AMBRA1: variants seen among roughly 807,000 people sequenced by gnomAD.
AMBRA1 encodes the protein autophagy and beclin 1 regulator 1, also known as activating molecule in BECN1-regulated autophagy protein 1.
A neutral mutation model predicts 125.4 loss-of-function variants in AMBRA1; 47 were observed. That is an observed-to-expected ratio of 0.37 (90% CI 0.30 to 0.48). AMBRA1 has a LOEUF of 0.48. AMBRA1 is among the 20% of genes least tolerant of loss of function. The pLI, the probability that AMBRA1 is intolerant of heterozygous loss-of-function variation, is 0.99. For synonymous variants in AMBRA1, 626 were observed against 655.5 expected (o/e 0.95, Z 0.69); for missense variants, 1,331 against 1,693.4 (o/e 0.79, Z 3.76).
chr11:46,450,888 G>A (rs1948557932), intron 11 of AMBRA1, among the ~76,000 whole-genome samples: 1 of 152,218 alleles, frequency 6.6e-6, no homozygotes. Context: ...ATAATGATGT[G>A]TCTACGTTGG....
rs76650979 is a variant in AMBRA1, at chr11:46,444,333, G to A, written c.2522-735C>T. 5.1e-3 allele frequency among the ~76,000 whole-genome samples: 779 copies of A among 152,214 alleles called. 6 individuals carry two copies. Among genetic ancestry groups the A allele is most frequent in the African/African-American group, 0.018 (741 of 41,526 alleles). ...AACATCTCCAGGTTTAACTTTCTCTGAGATATATTCTTCTGTATGACATTT... is the reference window on the plus strand; with the variant it reads ...AACATCTCCAGGTTTAACTTTCTCTAAGATATATTCTTCTGTATGACATTT... On this transcript the variant is annotated intron_variant, in intron 11 of 17. Transcript: ENST00000683756.
intron 14 of AMBRA1, among the ~76,000 whole-genome samples, chr11:46,421,641 T>C (rs1297060072): frequency 6.6e-6 from 1 of 152,190 alleles, no homozygotes; most frequent in Non-Finnish European, 1.5e-5. Context: ...AGATGTAGTG[T>C]CTACCCCTTT....
chr11:46,476,490 A>C (rs1432881774), intron 11 of AMBRA1, among the ~76,000 whole-genome samples: 1 of 147,106 alleles, frequency 6.8e-6, no homozygotes, highest in Non-Finnish European at 1.5e-5. Context: ...GGACCTTCAC[A>C]TTCTTCCCAG....
chr11:46,550,119 G>A lies in AMBRA1; in HGVS notation c.-120-1619C>T, dbSNP rs549062857. Among the ~76,000 whole-genome samples the A allele has an allele frequency of 1.8e-4, 28 of 152,178 alleles. No homozygotes were observed. The South Asian group carries it at 4.4e-3, about 24-fold the overall frequency. On this transcript the variant is annotated intron_variant, in intron 1 of 17. Transcript: ENST00000683756. ...CAGGTGTGAGCTACTGCACCCAGCC[G>A]ACACTAGCTTTTCTAAAAGATCAGG...
At chr11:46,417,354 A>AT (rs1946591888) in intron 15 of AMBRA1, among the ~76,000 whole-genome samples, 1 of 152,156 alleles carries the variant, frequency 6.6e-6, no homozygotes, top group Admixed American at 6.6e-5. Context: ...CCAGCCCCAA[A>AT]TTGAGCTTTT....
At chr11:46,410,159 C>T in intron 16 of AMBRA1, 117 bp downstream of exon 16, 1 of 848,976 alleles carries the variant, frequency 1.2e-6, no homozygotes, top group East Asian at 2.4e-5. Context: ...CAAGGAGGTG[C>T]TGCTCTGGTT....
At chr11:46,465,209 C>G (rs1203886044) in intron 11 of AMBRA1, among the ~76,000 whole-genome samples, 2 of 152,142 alleles carry the variant, frequency 1.3e-5, no homozygotes, top group Non-Finnish European at 2.9e-5. Context: ...CCTCACCCAT[C>G]CCTTCCCCTA....
chr11:46,478,723 C>T lies in AMBRA1; in HGVS notation c.2521+14885G>A, dbSNP rs559685449. On this transcript the variant is annotated intron_variant, in intron 11 of 17. Transcript: ENST00000683756. The stretch of plus-strand genomic sequence containing the variant: ...AGGCTGGAGTGCAATGGCGCAATCT[C>T]GGCTCACTGCAACCTCCACCTCCCG... Among the ~76,000 whole-genome samples the T allele has an allele frequency of 5.6e-5, 7 of 125,692 alleles. No individual in the cohort carries two copies. In the South Asian group the frequency reaches 1.7e-3, roughly 31 times the overall value. 82.5% of individuals were successfully genotyped at this position (125,692 alleles called of 152,430 possible). A position where few individuals can be genotyped will look rare whatever the true frequency, so the allele number is the denominator to read the frequency against.
Position 46,397,365 on chromosome 11 carries a change from C to A in AMBRA1, c.*85G>T, listed in dbSNP as rs921713593. The A allele has an allele frequency of 3.3e-5, 47 of 1,406,954 alleles. No homozygotes were observed. The highest frequency in any genetic ancestry group is 4.0e-5 in the Non-Finnish European group (43 of 1,079,618). The allele number at this position is 1,406,954 out of a possible 1,614,324, so 87.2% of individuals were successfully genotyped here. On this transcript the variant is annotated 3_prime_UTR_variant, in exon 18 of 18. Transcript: ENST00000683756. ...CTGTTCCCTGATGCAGCCAGCAGCT[C>A]TTCCACATGTCCAGTTCCCAGTCAG...
intron 15 of AMBRA1, among the ~76,000 whole-genome samples, chr11:46,415,374 T>C (rs1222034928): frequency 6.6e-6 from 1 of 152,198 alleles, no homozygotes; most frequent in African/African-American, 2.4e-5. Context: ...AAAGTATGTG[T>C]GTGTTATTGT....
intron 11 of AMBRA1, among the ~76,000 whole-genome samples, chr11:46,477,065 T>G (rs2136904018): frequency 6.7e-6 from 1 of 148,834 alleles, no homozygotes; most frequent in Non-Finnish European, 1.5e-5. Flanking sequence ...GAGCCGAGAT[T>G]GCGCCACTGC....
At chr11:46,402,384 C>G (rs1047969473) in intron 17 of AMBRA1, among the ~76,000 whole-genome samples, 6 of 152,072 alleles carry the variant, frequency 3.9e-5, no homozygotes, top group African/African-American at 1.4e-4. Context: ...TTTTTTGAGA[C>G]GGAGTCTTGC....
rs1947330762 is a variant in AMBRA1 at position 46,429,237 on chromosome 11, A to G, written c.2976+4237T>C. On this transcript the variant is annotated intron_variant, in intron 14 of 17. Coordinates refer to ENST00000683756, the MANE Select transcript of AMBRA1 (RefSeq NM_001387011.1). Reference sequence around the variant, plus strand: ...TACCAGCGGCCCCCTACCCCATAAAATAAGCCTCCAGCCCCTATCGCTACT... The same window carrying G: ...TACCAGCGGCCCCCTACCCCATAAAGTAAGCCTCCAGCCCCTATCGCTACT... 2.3e-5 allele frequency: 25 copies of G among 1,069,526 alleles called. No individual in the cohort carries two copies. The South Asian group carries it at 3.2e-4, about 14-fold the overall frequency. 66.3% of individuals were successfully genotyped at this position (1,069,526 alleles called of 1,614,324 possible).
chr11:46,573,791 T>C (rs1204706426), intron 1 of AMBRA1, among the ~76,000 whole-genome samples: 1 of 150,138 alleles, frequency 6.7e-6, no homozygotes, highest in East Asian at 2.0e-4. Flanking sequence ...GCATTAGGTA[T>C]ACCTCCCAAT....
intron 7 of AMBRA1, among the ~76,000 whole-genome samples, chr11:46,534,271 G>A (rs1182451336): frequency 1.3e-5 from 2 of 151,414 alleles, no homozygotes; most frequent in African/African-American, 4.9e-5. Context: ...GGCGGGCGGA[G>A]CACCAGAGGT....
At chr11:46,451,386 T>C (rs1031765614) in intron 11 of AMBRA1, among the ~76,000 whole-genome samples, 1 of 152,206 alleles carries the variant, frequency 6.6e-6, no homozygotes, top group Non-Finnish European at 1.5e-5. Context: ...CCAAGCCTAA[T>C]AGCCTCTGTG....
At chr11:46,398,005 T>C (rs907622548) in intron 17 of AMBRA1, 62 bp from the exon 18 acceptor site, 30 of 1,522,106 alleles carry the variant, frequency 2.0e-5, no homozygotes, top group Non-Finnish European at 2.1e-5. Flanking sequence ...CTGAGGCAGG[T>C]GGGCAGCCAC....
intron 1 of AMBRA1, among the ~76,000 whole-genome samples, chr11:46,585,116 G>A (rs1423923768): frequency 3.3e-5 from 5 of 152,028 alleles, no homozygotes; most frequent in African/African-American, 9.7e-5. Context: ...TAAGGGCGGT[G>A]CAAGATGTGC....
chr11:46,448,400 T>C (rs557221609), intron 11 of AMBRA1, among the ~76,000 whole-genome samples: 7 of 152,322 alleles, frequency 4.6e-5, no homozygotes, highest in South Asian at 4.1e-4. Context: ...TAAAAATATT[T>C]TGGATTAAAT....
Sources: allele counts gnomAD v4.1 joint callset (sites outside exome capture counted in the v4.1 genomes callset), GRCh38; gene constraint gnomAD v4.1.1; transcripts MANE v1.5; gene names NCBI Gene and HGNC (gene_info 2026-07-23, HGNC 2026-07-21).